Variants in DLGAP2 observed in about 807,000 individuals in gnomAD.
The protein encoded by DLGAP2 is DLG associated protein 2.
Under a neutral mutation model 100.3 loss-of-function variants are expected in DLGAP2, and 26 were observed. The ratio of observed to expected loss-of-function variants is 0.26; its 90% CI spans 0.19 to 0.36. The LOEUF is 0.36. Ranked by LOEUF, DLGAP2 falls within the 10% of genes least tolerant of loss-of-function variation. DLGAP2 has a pLI of 1.00. For missense variants in DLGAP2, 1,858 were observed against 1,453.2 expected, an observed-to-expected ratio of 1.28 and a Z score of -4.53; for synonymous variants, 886 against 630.1, an observed-to-expected ratio of 1.41 and a Z score of -6.08.
chr8:1,293,965 T>C (rs1800115202), intron 3 of DLGAP2, among the ~76,000 whole-genome samples: 1 of 152,240 alleles, frequency 6.6e-6, no homozygotes, highest in East Asian at 1.9e-4. Flanking sequence ...TTGCACCGTA[T>C]TGGAAAGAAA....
intron 3 of DLGAP2, among the ~76,000 whole-genome samples, chr8:1,322,953 T>A (rs918218810): frequency 6.6e-6 from 1 of 152,216 alleles, no homozygotes; most frequent in African/African-American, 2.4e-5. Context: ...TAAGTTGTCT[T>A]ATTTTTAAAA....
chr8:1,058,399 C>T (rs1041560167), intron 2 of DLGAP2, among the ~76,000 whole-genome samples: 7 of 152,178 alleles, frequency 4.6e-5, no homozygotes, highest in African/African-American at 1.2e-4. Flanking sequence ...CTGTGAGATG[C>T]GGTGTGATAT....
At chr8:1,367,532 C>A (rs1388492683) in intron 3 of DLGAP2, among the ~76,000 whole-genome samples, 1 of 152,206 alleles carries the variant, frequency 6.6e-6, no homozygotes, top group African/African-American at 2.4e-5. Context: ...CTGCTGGGGG[C>A]CGCAGAGGAC....
intron 3 of DLGAP2, among the ~76,000 whole-genome samples, chr8:1,416,575 G>C (rs1045535350): frequency 3.9e-4 from 60 of 152,124 alleles, no homozygotes; most frequent in Non-Finnish European, 5.4e-4. Context: ...CTCCACGGCC[G>C]CCCCTTCTTT....
At chr8:1,648,382 A>G (rs1313151049) in intron 8 of DLGAP2, among the ~76,000 whole-genome samples, 1 of 152,210 alleles carries the variant, frequency 6.6e-6, no homozygotes, top group African/African-American at 2.4e-5. Flanking sequence ...ATGTGCAAGA[A>G]ATAACATTTT....
chr8:1,469,380 G>T (rs1318469184), intron 3 of DLGAP2, among the ~76,000 whole-genome samples: 1 of 152,216 alleles, frequency 6.6e-6, no homozygotes, highest in African/African-American at 2.4e-5. Context: ...GGAGCCGGCT[G>T]TTAATGCGTG....
At chr8:1,080,159 T>TGGCGGA (rs1803755882) in intron 2 of DLGAP2, among the ~76,000 whole-genome samples, 2 of 152,164 alleles carry the variant, frequency 1.3e-5, no homozygotes, top group Admixed American at 1.3e-4. Context: ...ACTGAGCAGG[T>TGGCGGA]GCGGAGCTCC....
intron 3 of DLGAP2, among the ~76,000 whole-genome samples, chr8:1,335,073 C>T (rs186608447): frequency 1.3e-5 from 2 of 152,294 alleles, no homozygotes; most frequent in African/African-American, 4.8e-5. Flanking sequence ...AACCATAGTT[C>T]TAGGAACCAT....
At position 1,415,656 on chromosome 8, in the gene DLGAP2, G is replaced by A. The variant is rs187241910; in HGVS notation, c.107-85710G>A. On this transcript the variant is annotated intron_variant, in intron 3 of 14. Coordinates refer to ENST00000637795, the MANE Select transcript of DLGAP2 (RefSeq NM_001346810.2). ...AGGACGTGATTCCATTCTCTCTTAC[G>A]GCTGCATAGAATTTCGTGGTGTATA... 3.6e-3 allele frequency among the ~76,000 whole-genome samples: 552 copies of A among 152,216 alleles called. 1 individual carries two copies. The highest frequency in any genetic ancestry group is 0.017 in the Middle Eastern group (5 of 294).
chr8:1,519,566 C>G (rs758474395), intron 4 of DLGAP2, among the ~76,000 whole-genome samples: 6 of 152,354 alleles, frequency 3.9e-5, no homozygotes, highest in Non-Finnish European at 8.8e-5. Flanking sequence ...ACCCTGATCC[C>G]CTTGTTTAAC....
intron 2 of DLGAP2, among the ~76,000 whole-genome samples, chr8:935,498 T>C (rs1207812692): frequency 6.6e-6 from 1 of 152,228 alleles, no homozygotes; most frequent in African/African-American, 2.4e-5. Flanking sequence ...TAAACTATAT[T>C]AAAATTAATC....
chr8:989,047 G>C (rs959754626), intron 2 of DLGAP2, among the ~76,000 whole-genome samples: 1 of 152,194 alleles, frequency 6.6e-6, no homozygotes, highest in Non-Finnish European at 1.5e-5. Flanking sequence ...GGGCTCTCCA[G>C]GTTGGCCAGG....
chr8:1,560,829 A>G (rs1445589422), intron 5 of DLGAP2, among the ~76,000 whole-genome samples: 3 of 152,180 alleles, frequency 2.0e-5, no homozygotes, highest in Non-Finnish European at 2.9e-5. Flanking sequence ...TTAACTGCTG[A>G]TTTCTTGCTG....
intron 6 of DLGAP2, among the ~76,000 whole-genome samples, chr8:1,582,045 C>G (rs1222329723): frequency 2.1e-5 from 3 of 143,158 alleles, no homozygotes; most frequent in African/African-American, 8.0e-5. Flanking sequence ...GTCTACACAC[C>G]ACAGTCAAAC....
At chr8:1,178,554 G>A (rs998597728) in intron 2 of DLGAP2, among the ~76,000 whole-genome samples, 7 of 152,096 alleles carry the variant, frequency 4.6e-5, no homozygotes, top group African/African-American at 1.4e-4. Flanking sequence ...TTAACGAAAG[G>A]CACCTTTTTA....
intron 6 of DLGAP2, chr8:1,622,188 C>T (rs569792409): frequency 6.6e-6 from 1 of 152,204 alleles, no homozygotes; most frequent in East Asian, 1.9e-4. Flanking sequence ...GCTCCATTTT[C>T]CATTGAATGC....
At position 843,329 on chromosome 8, in the gene DLGAP2, A is replaced by G. The variant is rs527411821; in HGVS notation, c.19-64583A>G. ...GACGTGTTTTTCCCTCAGTCCTATT[A>G]TCATCTCAGGGTGAGAGCCTTTCCT... On this transcript the variant is annotated intron_variant, in intron 1 of 14. Transcript: ENST00000637795. Among the ~76,000 whole-genome samples, 9 of 152,278 alleles carry G rather than the reference A, an allele frequency of 5.9e-5. No individual in the cohort carries two copies. The South Asian group carries it at 1.9e-3, about 32-fold the overall frequency.
Position 1,601,945 on chromosome 8 carries a change from GGTGTGTGTGT to G in DLGAP2, c.1443-24769_1443-24760del, listed in dbSNP as rs55762722. ...TGATCCTAAAACCTTAATTTAACAGGGTGTGTGTGTGTGTGTGTGTGTGTGTGTGTGTGTG... is the reference window on the plus strand; with the variant it reads ...TGATCCTAAAACCTTAATTTAACAGGGTGTGTGTGTGTGTGTGTGTGTGTG... On this transcript the variant is annotated intron_variant, in intron 6 of 14. Transcript: ENST00000637795. Among the ~76,000 whole-genome samples, 196 of 146,450 alleles carry G rather than the reference GGTGTGTGTGT, an allele frequency of 1.3e-3. 1 individual carries two copies. The highest frequency in any genetic ancestry group is 2.4e-3 in the Non-Finnish European group (161 of 66,736).
chr8:1,043,155 G>A (rs1323737287), intron 2 of DLGAP2, among the ~76,000 whole-genome samples: 1 of 141,818 alleles, frequency 7.1e-6, no homozygotes, highest in Non-Finnish European at 1.5e-5. Context: ...GTGGGTGTGG[G>A]TGGTGGACGT....
Sources: gnomAD v4.1 joint callset for allele counts (sites outside exome capture counted in the v4.1 genomes callset) on GRCh38, gnomAD v4.1.1 for gene constraint, MANE v1.5 for transcripts, NCBI Gene and HGNC (gene_info 2026-07-23, HGNC 2026-07-21) for gene names.